Variants in PDZD2 observed in about 807,000 individuals in gnomAD.
PDZD2 encodes PDZ domain containing 2, also known as PDZ domain-containing protein 2.
A neutral mutation model predicts 220.7 loss-of-function variants in PDZD2; 90 were observed. The observed-to-expected ratio is 0.41, with a 90% confidence interval of 0.34 to 0.49. The LOEUF (loss-of-function observed/expected upper bound fraction) is 0.49. Among genes scored for constraint, PDZD2 ranks in the 20% least tolerant of loss-of-function variants. The pLI is 0.28. For missense variants in PDZD2, 3,174 were observed against 3,608.5 expected, an observed-to-expected ratio of 0.88 and a Z score of 3.08; for synonymous variants, 1,375 against 1,450.5, an observed-to-expected ratio of 0.95 and a Z score of 1.18.
At chr5:32,034,807 G>A (rs539958787) in intron 6 of PDZD2, among the ~76,000 whole-genome samples, 50 of 152,284 alleles carry the variant, frequency 3.3e-4, no homozygotes, top group Admixed American at 2.9e-3. Context: ...CCATTTGTAT[G>A]TGGCCCAGAG....
intron 1 of PDZD2, among the ~76,000 whole-genome samples, chr5:31,778,216 A>G (rs1445750963): frequency 6.6e-6 from 1 of 152,164 alleles, no homozygotes; most frequent in Non-Finnish European, 1.5e-5. Flanking sequence ...CCCTGTCAAA[A>G]CGGACCAATC....
intron 2 of PDZD2, among the ~76,000 whole-genome samples, chr5:31,825,633 C>A (rs1023457414): frequency 6.6e-6 from 1 of 152,150 alleles, no homozygotes; most frequent in Non-Finnish European, 1.5e-5. Flanking sequence ...TAGTCTTTTT[C>A]CAGACCTTTT....
intron 2 of PDZD2, among the ~76,000 whole-genome samples, chr5:31,914,646 T>C (rs1318006207): frequency 6.6e-6 from 1 of 152,212 alleles, no homozygotes; most frequent in Non-Finnish European, 1.5e-5. Context: ...AGGACAGATG[T>C]CAATGTGAGA....
At chr5:31,929,865 G>A (rs1360006605) in intron 2 of PDZD2, among the ~76,000 whole-genome samples, 1 of 152,178 alleles carries the variant, frequency 6.6e-6, no homozygotes, top group East Asian at 1.9e-4. Context: ...GATTTCCAAC[G>A]CTGGGGGCTG....
rs138600981 is a variant in PDZD2 at position 32,080,930 on chromosome 5, G to T, written c.3682+3324G>T. Among the ~76,000 whole-genome samples, 425 of 152,194 alleles carry T rather than the reference G, an allele frequency of 2.8e-3. 2 individuals carry two copies. The highest frequency in any genetic ancestry group is 1.0e-2 in the African/African-American group (414 of 41,498). ...ACTGGAGCCTGTTGCGGATGGGGTG[G>T]TGGGGGGAGGGAGAGCATCAGGATC... On this transcript the variant is annotated intron_variant, in intron 19 of 24. Transcript: ENST00000438447.
chr5:32,098,595 T>G lies in PDZD2; in HGVS notation c.8179T>G (p.Leu2727Val). ...GCCTCCCACAGCCAATGGGAAGGGT[T>G]TGCTGTCCAGAAAGACCATCCCCCT... ...QEPPTANGKG[L>V]LSRKTIPLEP... The change falls in exon 23 of 25, where the codon TTG (leucine) becomes GTG (valine). Residue 2727 changes from leucine to valine, a missense_variant. This residue lies in a region of PDZD2 where 631 missense variants were observed against 789.9 expected (regional missense o/e 0.80). Transcript: ENST00000438447. This position sits in a 1 kb window ranked among gnomAD's most constrained non-coding sequence, Gnocchi z 4.1. The G allele has an allele frequency of 1.2e-6, 2 of 1,614,162 alleles. No homozygotes were observed. Among genetic ancestry groups the G allele is most frequent in the Non-Finnish European group, 1.7e-6 (2 of 1,180,016 alleles).
chr5:31,756,294 G>A (rs140818939), intron 1 of PDZD2, among the ~76,000 whole-genome samples: 1 of 152,340 alleles, frequency 6.6e-6, no homozygotes. Flanking sequence ...CTAAAGGCCA[G>A]TGTGCACTCA....
chr5:32,014,757 C>T (rs1490593863), intron 6 of PDZD2, among the ~76,000 whole-genome samples: 2 of 122,134 alleles, frequency 1.6e-5, no homozygotes, highest in African/African-American at 7.3e-5. Flanking sequence ...CACTCTGTCA[C>T]CAGGCTGGAG....
chr5:32,072,388 C>G, intron 17 of PDZD2, 71 bp downstream of exon 17: 1 of 1,231,878 alleles, frequency 8.1e-7, no homozygotes, highest in Non-Finnish European at 1.1e-6. Flanking sequence ...CACCTCTGTG[C>G]TGGCGGCTAC....
intron 2 of PDZD2, among the ~76,000 whole-genome samples, chr5:31,930,356 G>C (rs1035516013): frequency 6.6e-6 from 1 of 151,666 alleles, no homozygotes; most frequent in Non-Finnish European, 1.5e-5. Context: ...CACCACGCCC[G>C]GCTAATTTTT....
chr5:31,663,854 GGT>G (rs376879069), intron 1 of PDZD2, among the ~76,000 whole-genome samples: 14,862 of 149,396 alleles, frequency 0.099, 944 homozygotes, highest in African/African-American at 0.17. Context: ...GGAAGTTTAG[GGT>G]GTGTGTGTGT....
intron 2 of PDZD2, chr5:31,855,072 G>C (rs374895612): frequency 5.1e-6 from 5 of 985,196 alleles, no homozygotes; most frequent in African/African-American, 3.5e-5. Flanking sequence ...CGCGGAGACC[G>C]GCCTGGCGAG....
chr5:32,071,451 C>A lies in PDZD2; in HGVS notation c.2568+33C>A. The A allele has an allele frequency of 1.9e-6, 3 of 1,556,744 alleles. No individual in the cohort carries two copies. The Admixed American group carries it at 5.0e-5, about 26-fold the overall frequency. On this transcript the variant is annotated intron_variant, in intron 16 of 24. Coordinates refer to ENST00000438447, the MANE Select transcript of PDZD2 (RefSeq NM_178140.4). ...AAGGTGAACTGCTACCTGCCTCCCT[C>A]AGCTGGACCACAAACTAATTCCTGG...
intron 1 of PDZD2, among the ~76,000 whole-genome samples, chr5:31,684,563 G>GTTT (rs34643771): frequency 1.3e-5 from 2 of 148,278 alleles, no homozygotes; most frequent in Non-Finnish European, 3.0e-5. Context: ...AGCTAGAGCA[G>GTTT]TTTTTTTTTT....
intron 1 of PDZD2, among the ~76,000 whole-genome samples, chr5:31,667,329 C>G (rs1429876555): frequency 6.6e-6 from 1 of 151,424 alleles, no homozygotes; most frequent in Non-Finnish European, 1.5e-5. Context: ...GAGTGAGACA[C>G]TCAAAACGCC....
chr5:32,003,816 A>G (rs918101166), intron 5 of PDZD2, among the ~76,000 whole-genome samples: 3 of 152,090 alleles, frequency 2.0e-5, no homozygotes, highest in Non-Finnish European at 4.4e-5. Flanking sequence ...AGTTCAAGCG[A>G]TTCTCCTGCC....
chr5:31,856,389 GAA>G (rs1029790759), intron 2 of PDZD2, among the ~76,000 whole-genome samples: 7 of 152,082 alleles, frequency 4.6e-5, no homozygotes, highest in African/African-American at 1.2e-4. Context: ...TCTTAAGGAA[GAA>G]AAAGAGTTCT....
At chr5:31,923,166 G>A (rs1163578237) in intron 2 of PDZD2, among the ~76,000 whole-genome samples, 2 of 152,098 alleles carry the variant, frequency 1.3e-5, no homozygotes, top group Non-Finnish European at 2.9e-5. Flanking sequence ...TTGGTGGTGG[G>A]CACCTGTAAT....
At chr5:31,699,984 G>A (rs1046958303) in intron 1 of PDZD2, among the ~76,000 whole-genome samples, 1 of 152,114 alleles carries the variant, frequency 6.6e-6, no homozygotes, top group African/African-American at 2.4e-5. Flanking sequence ...AACCCTTGAA[G>A]AATCTTAAGG....
Sources: allele counts gnomAD v4.1 joint callset (sites outside exome capture counted in the v4.1 genomes callset), GRCh38; gene constraint gnomAD v4.1.1; regional missense constraint gnomAD v4.1.1; non-coding constraint Gnocchi (gnomAD v3.1); transcripts MANE v1.5; gene names NCBI Gene and HGNC (gene_info 2026-07-23, HGNC 2026-07-21).